Variants in RGPD3 observed in about 807,000 individuals in gnomAD.
RGPD3 encodes the protein ranBP2-like and GRIP domain-containing protein 3.
Under a neutral mutation model 154.5 loss-of-function variants are expected in RGPD3, and 62 were observed. The ratio of observed to expected loss-of-function variants is 0.40; its 90% confidence interval spans 0.33 to 0.50. The LOEUF (loss-of-function observed/expected upper bound fraction) is 0.50. Ranked by LOEUF, RGPD3 falls within the 20% of genes least tolerant of loss-of-function variation. The pLI is 0.59. For missense variants in RGPD3, 919 were observed against 1,716.8 expected, an observed-to-expected ratio of 0.54 and a Z score of 8.21; for synonymous variants, 308 against 607.0, an observed-to-expected ratio of 0.51 and a Z score of 7.24.
At chr2:106,446,881 A>G (rs1312522831) in intron 7 of RGPD3, among the ~76,000 whole-genome samples, 6 of 150,216 alleles carry the variant, frequency 4.0e-5, no homozygotes, top group Non-Finnish European at 7.4e-5. Context: ...ACTTGGTCTC[A>G]AAAAAAATAA....
At chr2:106,409,118 T>G (rs1345760400) in intron 22 of RGPD3, among the ~76,000 whole-genome samples, 4 of 152,206 alleles carry the variant, frequency 2.6e-5, no homozygotes, top group African/African-American at 9.6e-5. Flanking sequence ...TATAAACATT[T>G]GCTTCCAAGG....
At chr2:106,449,148 G>A (rs889702246) in intron 6 of RGPD3, among the ~76,000 whole-genome samples, 1 of 151,676 alleles carries the variant, frequency 6.6e-6, no homozygotes, top group Non-Finnish European at 1.5e-5. Context: ...TTTGCTGTTG[G>A]AAAATAGTTA....
rs773524915 is a variant in RGPD3 at position 106,415,861 on chromosome 2, C to T, written c.5053G>A (p.Glu1685Lys). ...TTTTCTGATCTCACCTTAATTTGCT[C>T]CATAAGGACTGCATTGGTTGCCTCT... is the stretch of plus-strand genomic sequence containing the variant. ...EIEATNAVLM[E>K]QIKLLKSEIR... Residue 1685 changes from glutamate (E) to lysine (K), a missense_variant, in exon 21 of 23, where the codon GAG becomes AAG. Glu to Lys is a moderately conservative substitution (Grantham distance 56). Coordinates refer to ENST00000409886, the MANE Select transcript of RGPD3 (RefSeq NM_001144013.2). The T allele has an allele frequency of 1.9e-6, 3 of 1,611,814 alleles. No homozygotes were observed. The South Asian group carries it at 3.3e-5, about 18-fold the overall frequency.
chr2:106,417,699 T>G (rs973115209), intron 20 of RGPD3, among the ~76,000 whole-genome samples: 3 of 151,046 alleles, frequency 2.0e-5, no homozygotes, highest in African/African-American at 7.4e-5. Context: ...AGGTTAAGTA[T>G]GAGATTGTTC....
chr2:106,412,064 A>T (rs528677513), intron 22 of RGPD3, among the ~76,000 whole-genome samples: 1 of 146,848 alleles, frequency 6.8e-6, no homozygotes, highest in East Asian at 2.0e-4. Flanking sequence ...TGAGTTGAAA[A>T]CTGTTAGAGA....
chr2:106,406,782 T>G (rs1676528263), intron 22 of RGPD3, among the ~76,000 whole-genome samples: 1 of 152,216 alleles, frequency 6.6e-6, no homozygotes. Context: ...TAATTTGGTA[T>G]TACCCTTCCA....
intron 20 of RGPD3, among the ~76,000 whole-genome samples, chr2:106,420,670 G>A (rs1413659477): frequency 7.9e-5 from 12 of 152,226 alleles, no homozygotes; most frequent in African/African-American, 2.7e-4. Context: ...ATGATATTCT[G>A]GACATAATGA....
At chr2:106,441,479 T>C (rs868266265) in intron 7 of RGPD3, 99 bp from the exon 8 acceptor site, 15 of 840,334 alleles carry the variant, frequency 1.8e-5, no homozygotes, top group African/African-American at 1.7e-4. Flanking sequence ...TGATAATGAA[T>C]GAACAGTTAA....
At chr2:106,410,003 G>A (rs1255715840) in intron 22 of RGPD3, among the ~76,000 whole-genome samples, 1 of 150,250 alleles carries the variant, frequency 6.7e-6, no homozygotes, top group Admixed American at 6.7e-5. Context: ...AGCCTCCCAA[G>A]TAGCTGGGAT....
chr2:106,426,042 A>G lies in RGPD3; in HGVS notation c.2652T>C (p.Tyr884=). ...PSVYYSQSPA[Y]NSQYLLRPAA... is the part of the protein sequence containing the mutation. Reference sequence around the variant, plus strand: ...CTGGTCTGAGAAGATACTGGGAATTATATGCTGGTGACTGACTATAATATA... The same window carrying G: ...CTGGTCTGAGAAGATACTGGGAATTGTATGCTGGTGACTGACTATAATATA... The change falls in exon 19 of 23, where the codon TAT becomes TAC. Residue 884 remains tyrosine (Y), a synonymous_variant. Transcript: ENST00000409886. 6.3e-7 allele frequency: 1 copy of G among 1,582,668 alleles called. No individual in the cohort carries two copies. Among genetic ancestry groups the G allele is most frequent in the Non-Finnish European group, 8.5e-7 (1 of 1,175,572 alleles).
In RGPD3 at chr2:106,424,681, C is replaced by G. The variant is rs750231046; in HGVS notation, c.3286G>C (p.Val1096Leu). The change falls in exon 20 of 23, where the codon GTA (valine) becomes CTA (leucine). Residue 1096 changes from valine to leucine, a missense_variant. Physicochemically the swap from Val to Leu is conservative, Grantham distance 32. Transcript: ENST00000409886. ...TGTTCTCTTTGCATCAGCATTCTTA[C>G]TTTGCCATTGACCTCGTTTTTGAGA... ...KILKNEVNGKVRMLMQREQVL... is the reference protein window; with the variant it reads ...KILKNEVNGKLRMLMQREQVL... The G allele has an allele frequency of 5.1e-5, 83 of 1,611,924 alleles. 1 individual carries two copies. Among genetic ancestry groups the G allele is most frequent in the African/African-American group, 4.4e-4 (33 of 74,950 alleles).
At chr2:106,466,939 G>A in intron 1 of RGPD3, among the ~76,000 whole-genome samples, 1 of 114,966 alleles carries the variant, frequency 8.7e-6, no homozygotes, top group South Asian at 3.5e-4. Context: ...AGCGCCCGTC[G>A]GGAGCCATGA....
At chr2:106,463,171 T>C (rs1172708000) in intron 1 of RGPD3, among the ~76,000 whole-genome samples, 8 of 150,538 alleles carry the variant, frequency 5.3e-5, no homozygotes, top group African/African-American at 1.9e-4. Flanking sequence ...AATGGAGCAA[T>C]GCTTTCAAAA....
chr2:106,427,434 TGTGA>T (rs2104464138), intron 18 of RGPD3, among the ~76,000 whole-genome samples: 1 of 150,128 alleles, frequency 6.7e-6, no homozygotes, highest in Non-Finnish European at 1.5e-5. Flanking sequence ...ATCTGTTTTG[TGTGA>T]GTTTTACCAA....
Position 106,404,949 on chromosome 2 carries a change from G to A in RGPD3, c.*270C>T. 3.7e-6 allele frequency: 2 copies of A among 547,670 alleles called. No homozygotes were observed. The highest frequency in any genetic ancestry group is 6.6e-6 in the Non-Finnish European group (2 of 302,580). 33.9% of individuals were successfully genotyped at this position (547,670 alleles called of 1,614,324 possible). The stretch of plus-strand genomic sequence containing the variant: ...GCAGCATGCATGGGAGATCACATGA[G>A]TTAGAGGGCTGTGGCCTGGTATCAA... On this transcript the variant is annotated 3_prime_UTR_variant, in exon 23 of 23. Transcript: ENST00000409886.
rs780177331 is a variant in RGPD3, at chr2:106,424,327, T to C, written c.3640A>G (p.Thr1214Ala). ...DFKTFLTNDQ[T>A]KVAEEENKGS... ...TTATTTTCTTCCTCAGCGACTTTTG[T>C]TTGATCATTTGTCAAAAATGTTTTG... Residue 1214 changes from threonine to alanine, a missense_variant, in exon 20 of 23, where the codon ACA (threonine) becomes GCA (alanine). Physicochemically the swap from Thr to Ala is moderately conservative, Grantham distance 58. Coordinates refer to ENST00000409886, the MANE Select transcript of RGPD3 (RefSeq NM_001144013.2). The C allele has an allele frequency of 1.2e-6, 2 of 1,611,932 alleles. No individual in the cohort carries two copies. Among genetic ancestry groups the C allele is most frequent in the South Asian group, 1.1e-5 (1 of 90,976 alleles).
chr2:106,447,553 A>G lies in RGPD3; in HGVS notation c.843T>C (p.Ala281=). The part of the protein sequence containing the change: ...SSLGGNDELS[A]TFLEMKGHFY... ...AATGTCCTTTCATTTCTAAGAAAGTAGCTGACAGTTCATCATTTCCACCCA... is the reference window on the plus strand; with the variant it reads ...AATGTCCTTTCATTTCTAAGAAAGTGGCTGACAGTTCATCATTTCCACCCA... The change falls in exon 7 of 23, where the codon GCT becomes GCC. Residue 281 remains alanine, a synonymous_variant. Transcript: ENST00000409886. The G allele has an allele frequency of 3.8e-6, 1 of 264,268 alleles. No homozygotes were observed. Among genetic ancestry groups the G allele is most frequent in the Non-Finnish European group, 6.3e-6 (1 of 158,440 alleles). 16.4% of individuals were successfully genotyped at this position (264,268 alleles called of 1,614,324 possible).
Position 106,415,971 on chromosome 2 carries a change from G to A in RGPD3, c.4943C>T (p.Ala1648Val), listed in dbSNP as rs559240546. 177 of 1,611,596 alleles carry A rather than the reference G, an allele frequency of 1.1e-4. 1 individual carries two copies. The African/African-American group carries it at 1.9e-3, about 17-fold the overall frequency. The stretch of plus-strand genomic sequence containing the variant: ...AACCAATTCTTCTTTAGTAAATTCA[G>A]CATACCATAATGGAGGCTCTGCAAC... ...TPEKEPPLWY[A>V]EFTKEELVQK... Residue 1648 changes from alanine to valine, a missense_variant, in exon 21 of 23, where the codon GCT (alanine) becomes GTT (valine). Ala to Val is a moderately conservative substitution (Grantham distance 64). Transcript: ENST00000409886.
chr2:106,441,744 A>T (rs1677748465), intron 7 of RGPD3, among the ~76,000 whole-genome samples: 1 of 151,168 alleles, frequency 6.6e-6, no homozygotes, highest in African/African-American at 2.4e-5. Flanking sequence ...ACACCTGTTA[A>T]TTCCAGCTAC....
Sources: gnomAD v4.1 joint callset for allele counts (sites outside exome capture counted in the v4.1 genomes callset) on GRCh38, gnomAD v4.1.1 for gene constraint, MANE v1.5 for transcripts, NCBI Gene and HGNC (gene_info 2026-07-23, HGNC 2026-07-21) for gene names.